EPB41L4A: variants seen among roughly 807,000 people sequenced by gnomAD.
The protein encoded by EPB41L4A is erythrocyte membrane protein band 4.1 like 4A.
In EPB41L4A, 100 loss-of-function variants were observed where a neutral mutation model predicts 108.6. The ratio of observed to expected loss-of-function variants is 0.92; its 90% CI spans 0.78 to 1.09. The LOEUF is 1.09. EPB41L4A is among the 50% of genes least tolerant of loss of function. The pLI is 0.00. For missense variants in EPB41L4A, 1,030 were observed against 842.7 expected (o/e 1.22, Z -2.75); for synonymous variants, 319 against 289.0 (o/e 1.10, Z -1.05).
intron 1 of EPB41L4A, among the ~76,000 whole-genome samples, chr5:112,408,563 C>G (rs572641466): frequency 1.3e-5 from 2 of 151,104 alleles, no homozygotes; most frequent in Admixed American, 1.3e-4. Context: ...AAAAGATATA[C>G]AAATGACCAA....
chr5:112,320,362 GATACATT>G (rs1330438099), intron 1 of EPB41L4A, among the ~76,000 whole-genome samples: 1 of 152,178 alleles, frequency 6.6e-6, no homozygotes, highest in East Asian at 1.9e-4. Context: ...TGGGTTTTAT[GATACATT>G]ATAACTTTCC....
intron 18 of EPB41L4A, among the ~76,000 whole-genome samples, chr5:112,176,743 CTTTTTTTTTTTTT>C (rs59150913): frequency 3.0e-5 from 2 of 65,848 alleles, no homozygotes; most frequent in East Asian, 6.5e-4. Flanking sequence ...ACCAGAGCAA[CTTTTTTTTTTTTT>C]TTTTTTTTTT....
intron 1 of EPB41L4A, among the ~76,000 whole-genome samples, chr5:112,332,246 T>C (rs564488456): frequency 1.3e-5 from 2 of 152,346 alleles, no homozygotes; most frequent in East Asian, 3.9e-4. Context: ...CTAACTATCA[T>C]CCCATCTTTC....
intron 1 of EPB41L4A, among the ~76,000 whole-genome samples, chr5:112,345,823 GCA>G (rs1757625900): frequency 5.7e-5 from 7 of 123,026 alleles, no homozygotes; most frequent in Non-Finnish European, 7.0e-5. Context: ...ACACACACAC[GCA>G]CACATAAAGC....
intron 1 of EPB41L4A, among the ~76,000 whole-genome samples, chr5:112,316,723 A>G (rs1359660781): frequency 6.6e-6 from 1 of 152,216 alleles, no homozygotes; most frequent in Non-Finnish European, 1.5e-5. Context: ...AGTGGCTTAA[A>G]GCAACAAGTT....
At chr5:112,261,586 A>T (rs1027024625) in intron 7 of EPB41L4A, among the ~76,000 whole-genome samples, 1 of 151,926 alleles carries the variant, frequency 6.6e-6, no homozygotes, top group Non-Finnish European at 1.5e-5. Flanking sequence ...GAAGTAGCTC[A>T]AAGGTTAAAA....
chr5:112,262,182 A>C (rs114200843), intron 7 of EPB41L4A, among the ~76,000 whole-genome samples: 3,787 of 152,276 alleles, frequency 0.025, 93 homozygotes, highest in African/African-American at 0.067. Context: ...AGGCATGAGC[A>C]ACCACGCCTG....
At chr5:112,309,045 GTACTTC>G (rs1307028610) in intron 1 of EPB41L4A, among the ~76,000 whole-genome samples, 2 of 152,190 alleles carry the variant, frequency 1.3e-5, no homozygotes, top group East Asian at 3.9e-4. Flanking sequence ...ATTCTCCTAA[GTACTTC>G]TAAATACTTG....
intron 9 of EPB41L4A, among the ~76,000 whole-genome samples, chr5:112,242,667 C>G (rs1749880153): frequency 1.3e-5 from 2 of 152,172 alleles, no homozygotes; most frequent in Admixed American, 1.3e-4. Flanking sequence ...TGTCCAGATC[C>G]ATTAGAGAAA....
At chr5:112,258,620 C>T (rs578244909) in intron 9 of EPB41L4A, among the ~76,000 whole-genome samples, 3 of 152,250 alleles carry the variant, frequency 2.0e-5, no homozygotes, top group African/African-American at 4.8e-5. Flanking sequence ...TGCCTTCTTT[C>T]GACCATTTTT....
intron 2 of EPB41L4A, among the ~76,000 whole-genome samples, chr5:112,285,820 A>G (rs1753242713): frequency 6.6e-6 from 1 of 152,200 alleles, no homozygotes. Flanking sequence ...GCAATGTGAC[A>G]GGCACTGTTG....
At chr5:112,289,143 A>T (rs1307470042) in intron 2 of EPB41L4A, among the ~76,000 whole-genome samples, 1 of 152,188 alleles carries the variant, frequency 6.6e-6, no homozygotes, top group African/African-American at 2.4e-5. Context: ...AAAACAGTAT[A>T]TGGTGTAGTG....
In EPB41L4A at chr5:112,418,944, G is replaced by A. The variant is rs1308351797; in HGVS notation, c.96C>T (p.Ile32=). The A allele has an allele frequency of 6.2e-7, 1 of 1,612,374 alleles. No homozygotes were observed. Among genetic ancestry groups the A allele is most frequent in the Non-Finnish European group, 8.5e-7 (1 of 1,179,022 alleles). The change falls in exon 1 of 23, where the codon ATC becomes ATT. Residue 32 remains isoleucine (I), a synonymous_variant. Transcript: ENST00000261486. ...KLTLTTQQQG[I]KKSTKGSVVL... is the part of the protein sequence containing the mutation. ...ACGCGCTCCGGGCCGCACCCACCTT[G>A]ATGCCCTGCTGCTGGGTGGTAAGGG...
chr5:112,301,168 G>A (rs150208110), intron 2 of EPB41L4A, among the ~76,000 whole-genome samples: 145 of 151,806 alleles, frequency 9.6e-4, no homozygotes, highest in Middle Eastern at 3.4e-3. Context: ...ACTTTTTCTC[G>A]GTTTAGATCC....
At chr5:112,411,708 G>T (rs901331871) in intron 1 of EPB41L4A, among the ~76,000 whole-genome samples, 1 of 152,140 alleles carries the variant, frequency 6.6e-6, no homozygotes, top group African/African-American at 2.4e-5. Context: ...AGGACAGGGA[G>T]CAGGGAGGGG....
At chr5:112,394,321 GATTGTATATTTAGAAAA>G (rs1218878277) in intron 1 of EPB41L4A, among the ~76,000 whole-genome samples, 6 of 152,282 alleles carry the variant, frequency 3.9e-5, no homozygotes, top group Non-Finnish European at 8.8e-5. Flanking sequence ...CAGATGACAT[GATTGTATATTTAGAAAA>G]CACCATAATC....
Position 112,164,394 on chromosome 5 carries a change from T to C in EPB41L4A, c.*596A>G, listed in dbSNP as rs1760101247. 6.6e-6 allele frequency: 1 copy of C among 152,236 alleles called. No homozygotes were observed. The highest frequency in any genetic ancestry group is 6.5e-5 in the Admixed American group (1 of 15,280). The allele number at this position is 152,236 out of a possible 1,614,324, so 9.4% of individuals were successfully genotyped here. On this transcript the variant is annotated 3_prime_UTR_variant, in exon 23 of 23. Coordinates refer to ENST00000261486, the MANE Select transcript of EPB41L4A (RefSeq NM_022140.5). ...CTAGCTGCAGTTCAGAATTCCAGAA[T>C]GTTCATCAGATGCATCTGGTCTTGG...
At chr5:112,267,146 G>A (rs1580568179) in intron 4 of EPB41L4A, among the ~76,000 whole-genome samples, 1 of 151,986 alleles carries the variant, frequency 6.6e-6, no homozygotes, top group African/African-American at 2.4e-5. Context: ...GGACTGAGAG[G>A]GGCCAGAGGT....
At chr5:112,262,794 A>C (rs564370466) in intron 6 of EPB41L4A, among the ~76,000 whole-genome samples, 1 of 152,348 alleles carries the variant, frequency 6.6e-6, no homozygotes, top group Admixed American at 6.5e-5. Flanking sequence ...TACCAAATCC[A>C]TTCTGGCTCA....
Sources: gnomAD v4.1 joint callset for allele counts (sites outside exome capture counted in the v4.1 genomes callset) on GRCh38, gnomAD v4.1.1 for gene constraint, MANE v1.5 for transcripts, NCBI Gene and HGNC (gene_info 2026-07-23, HGNC 2026-07-21) for gene names.